The following DUSP10 variants were observed in gnomAD, a reference collection of about 807,000 sequenced individuals.
DUSP10 encodes the protein dual specificity phosphatase 10.
In DUSP10, 14 loss-of-function variants were observed where a neutral mutation model predicts 30.8. The ratio of observed to expected loss-of-function variants is 0.46; its 90% CI spans 0.30 to 0.71. DUSP10 has a LOEUF of 0.71. Among genes scored for constraint, DUSP10 ranks in the 30% least tolerant of loss-of-function variants. The pLI, the probability that DUSP10 is intolerant of heterozygous loss-of-function variation, is 0.08. For synonymous variants in DUSP10, 254 were observed against 250.4 expected (o/e 1.01, Z -0.14); for missense variants, 550 against 619.4 (o/e 0.89, Z 1.19).
At chr1:221,741,213 C>A (rs1239783609) in intron 1 of DUSP10, among the ~76,000 whole-genome samples, 9 of 152,174 alleles carry the variant, frequency 5.9e-5, no homozygotes, top group Non-Finnish European at 7.3e-5. Flanking sequence ...CCTTCCCTTG[C>A]GTAGTATTTT....
intron 2 of DUSP10, among the ~76,000 whole-genome samples, chr1:221,712,129 T>C (rs1176215332): frequency 3.3e-5 from 5 of 152,220 alleles, no homozygotes; most frequent in Non-Finnish European, 5.9e-5. Flanking sequence ...TTGGGTATTT[T>C]ACAGTAGGAA....
chr1:221,703,606 T>C (rs1391115936), intron 3 of DUSP10, among the ~76,000 whole-genome samples: 1 of 152,180 alleles, frequency 6.6e-6, no homozygotes, highest in Non-Finnish European at 1.5e-5. Flanking sequence ...GATGGAGGAA[T>C]CCCAGCAATG....
intron 2 of DUSP10, among the ~76,000 whole-genome samples, chr1:221,729,232 T>C (rs1006596008): frequency 2.0e-5 from 3 of 152,210 alleles, no homozygotes; most frequent in African/African-American, 7.2e-5. Flanking sequence ...GGGATATAAT[T>C]TGAGGCAAGG....
In DUSP10 at chr1:221,739,322, G is replaced by C; in HGVS notation, c.423C>G (p.Pro141=). Reference sequence around the variant, plus strand: ...TTATTTTGATGCTGGCTAGCTGCTTGGGGGTCCCTGACACAGGGCTGCCCA... The same window carrying C: ...TTATTTTGATGCTGGCTAGCTGCTTCGGGGTCCCTGACACAGGGCTGCCCA... The part of the protein sequence containing the change: ...SGVGSPVSGT[P]KQLASIKIIY... The change falls in exon 2 of 4, where the codon CCC becomes CCG. Residue 141 remains proline (P), a synonymous_variant. Transcript: ENST00000366899. 2 of 1,614,088 alleles carry C rather than the reference G, an allele frequency of 1.2e-6. No individual in the cohort carries two copies. Among genetic ancestry groups the C allele is most frequent in the Non-Finnish European group, 1.7e-6 (2 of 1,179,980 alleles).
intron 2 of DUSP10, among the ~76,000 whole-genome samples, chr1:221,717,752 C>T (rs1411242309): frequency 6.6e-6 from 1 of 152,132 alleles, no homozygotes; most frequent in Non-Finnish European, 1.5e-5. Flanking sequence ...TGTGAGGGCA[C>T]AGCAAGAAGA....
chr1:221,738,259 G>C (rs979606387), intron 2 of DUSP10, among the ~76,000 whole-genome samples: 3 of 152,342 alleles, frequency 2.0e-5, no homozygotes, highest in Admixed American at 1.3e-4. Flanking sequence ...GATGCCAACC[G>C]TTGTCAGGTG....
intron 2 of DUSP10, among the ~76,000 whole-genome samples, chr1:221,716,423 T>C (rs2102628157): frequency 6.6e-6 from 1 of 152,308 alleles, no homozygotes; most frequent in African/African-American, 2.4e-5. Flanking sequence ...CCTTCTGCTC[T>C]CCCTTAATCC....
chr1:221,728,164 C>A (rs1278101029), intron 2 of DUSP10, among the ~76,000 whole-genome samples: 1 of 152,224 alleles, frequency 6.6e-6, no homozygotes. Context: ...GATGTTGGCA[C>A]CCTGCTCTTG....
chr1:221,718,418 CAAACTT>C (rs1661181345), intron 2 of DUSP10, among the ~76,000 whole-genome samples: 1 of 152,020 alleles, frequency 6.6e-6, no homozygotes, highest in African/African-American at 2.4e-5. Flanking sequence ...TCACTGGTCT[CAAACTT>C]AATACTGGTT....
At chr1:221,705,011 TA>T (rs1660712865) in intron 3 of DUSP10, among the ~76,000 whole-genome samples, 1 of 152,030 alleles carries the variant, frequency 6.6e-6, no homozygotes, top group Non-Finnish European at 1.5e-5. Context: ...GGAAAAGTAC[TA>T]GGCCACCCCT....
chr1:221,709,488 G>T (rs999839709), intron 2 of DUSP10, among the ~76,000 whole-genome samples: 2 of 151,868 alleles, frequency 1.3e-5, no homozygotes, highest in African/African-American at 4.8e-5. Flanking sequence ...GGAGAGAAAA[G>T]GAGATATTAC....
chr1:221,730,215 TAA>T (rs371956670), intron 2 of DUSP10, among the ~76,000 whole-genome samples: 4 of 152,290 alleles, frequency 2.6e-5, no homozygotes, highest in African/African-American at 9.6e-5. Context: ...AAAATAAATA[TAA>T]GATATTAAGG....
At chr1:221,704,017 A>G (rs1310944220) in intron 3 of DUSP10, among the ~76,000 whole-genome samples, 2 of 152,224 alleles carry the variant, frequency 1.3e-5, no homozygotes, top group African/African-American at 4.8e-5. Context: ...ACCAGAAAGC[A>G]TGGTGGTGAG....
In DUSP10 at chr1:221,739,284, T is replaced by C; in HGVS notation, c.461A>G (p.Asp154Gly). The C allele has an allele frequency of 6.2e-7, 1 of 1,614,162 alleles. No individual in the cohort carries two copies. Among genetic ancestry groups the C allele is most frequent in the Non-Finnish European group, 8.5e-7 (1 of 1,180,042 alleles). ...LASIKIIYPN[D>G]LAKKMTKCSK... Reference sequence around the variant, plus strand: ...GCATTTGGTCATCTTCTTTGCCAAGTCATTGGGGTAGATTATTTTGATGCT... The same window carrying C: ...GCATTTGGTCATCTTCTTTGCCAAGCCATTGGGGTAGATTATTTTGATGCT... Residue 154 changes from aspartate to glycine, a missense_variant, in exon 2 of 4, where the codon GAC becomes GGC. Transcript: ENST00000366899.
intron 2 of DUSP10, among the ~76,000 whole-genome samples, chr1:221,720,400 C>G (rs898071117): frequency 1.3e-5 from 2 of 152,226 alleles, no homozygotes; most frequent in Non-Finnish European, 1.5e-5. Flanking sequence ...TAAACCCCAT[C>G]CATCTCCTTC....
chr1:221,728,886 G>A (rs1179443323), intron 2 of DUSP10, among the ~76,000 whole-genome samples: 5 of 152,110 alleles, frequency 3.3e-5, no homozygotes, highest in African/African-American at 9.7e-5. Flanking sequence ...GCAAAAGCAG[G>A]AAATATCATC....
At chr1:221,727,009 T>C (rs370169654) in intron 2 of DUSP10, among the ~76,000 whole-genome samples, 1 of 152,170 alleles carries the variant, frequency 6.6e-6, no homozygotes, top group Non-Finnish European at 1.5e-5. Context: ...TAATTCTCAA[T>C]TGAGCCCATG....
At chr1:221,718,949 G>T (rs1468972123) in intron 2 of DUSP10, among the ~76,000 whole-genome samples, 1 of 152,224 alleles carries the variant, frequency 6.6e-6, no homozygotes, top group Non-Finnish European at 1.5e-5. Context: ...TGACAGGAGG[G>T]GTGGGGGAAA....
At chr1:221,705,111 G>GGTTTTTTTT (rs59522738) in intron 3 of DUSP10, among the ~76,000 whole-genome samples, 1 of 142,002 alleles carries the variant, frequency 7.0e-6, no homozygotes, top group Non-Finnish European at 1.5e-5. Flanking sequence ...TATTTTGAGT[G>GGTTTTTTTT]TTTTTTTTTT....
Sources: gnomAD v4.1 joint callset for allele counts (sites outside exome capture counted in the v4.1 genomes callset) on GRCh38, gnomAD v4.1.1 for gene constraint, MANE v1.5 for transcripts, NCBI Gene and HGNC (gene_info 2026-07-23, HGNC 2026-07-21) for gene names.